The following PRPF4 variants were observed in gnomAD, a reference collection of about 807,000 sequenced individuals.
The protein encoded by PRPF4 is pre-mRNA splicing tri-snRNP complex factor PRPF4, also known as U4/U6 small nuclear ribonucleoprotein Prp4.
Under a neutral mutation model 72.2 loss-of-function variants are expected in PRPF4, and 14 were observed. The ratio of observed to expected loss-of-function variants is 0.19; its 90% CI spans 0.13 to 0.30. The LOEUF is 0.30. Ranked by LOEUF, PRPF4 falls within the 10% of genes least tolerant of loss-of-function variation. The pLI is 1.00. For missense variants in PRPF4, 478 were observed against 653.9 expected (o/e 0.73, Z 2.93); for synonymous variants, 225 against 232.2 (o/e 0.97, Z 0.28).
chr9:113,279,264 T>A (rs1268177871), intron 3 of PRPF4, 133 bp downstream of exon 3: 2 of 831,028 alleles, frequency 2.4e-6, no homozygotes, highest in Admixed American at 3.0e-5. Flanking sequence ...TGTGTTTATA[T>A]GAGTTAGCCC....
intron 9 of PRPF4, 133 bp from the exon 10 acceptor site, chr9:113,288,041 CA>C: frequency 1.3e-6 from 1 of 740,842 alleles, no homozygotes; most frequent in East Asian, 2.9e-5. Flanking sequence ...CTTATTGGGC[CA>C]AAGTAGTTTA....
intron 2 of PRPF4, among the ~76,000 whole-genome samples, chr9:113,277,511 G>A (rs766783600): frequency 7.9e-5 from 12 of 151,790 alleles, no homozygotes; most frequent in Non-Finnish European, 1.3e-4. Flanking sequence ...TCAGCCTCCC[G>A]ATTAGCTGAG....
intron 3 of PRPF4, among the ~76,000 whole-genome samples, chr9:113,281,736 C>G (rs568459470): frequency 6.6e-6 from 1 of 152,162 alleles, no homozygotes; most frequent in South Asian, 2.1e-4. Flanking sequence ...CATTCTTGAC[C>G]CCCTTGACCT....
chr9:113,291,133 A>C, intron 13 of PRPF4, 117 bp downstream of exon 13: 1 of 1,082,664 alleles, frequency 9.2e-7, no homozygotes, highest in Non-Finnish European at 1.4e-6. Context: ...AAATTGACCT[A>C]CTGGTAAAGG....
At chr9:113,276,508 A>G (rs752610847) in intron 1 of PRPF4, 40 bp from the exon 2 acceptor site, 90 of 1,607,324 alleles carry the variant, frequency 5.6e-5, no homozygotes, top group Middle Eastern at 1.6e-4. Context: ...TAAATTGCCA[A>G]GATTAAACCT....
At chr9:113,287,858 CTATT>C (rs1303729456) in intron 9 of PRPF4, among the ~76,000 whole-genome samples, 3 of 152,194 alleles carry the variant, frequency 2.0e-5, no homozygotes, top group Admixed American at 2.0e-4. Flanking sequence ...AGCCTCATCT[CTATT>C]TAGGAGTTCC....
At position 113,276,715 on chromosome 9, in the gene PRPF4, T is replaced by C. The variant is rs748537580; in HGVS notation, c.195T>C (p.Asn65=). The C allele has an allele frequency of 1.2e-6, 2 of 1,612,342 alleles. No homozygotes were observed. Among genetic ancestry groups the C allele is most frequent in the Non-Finnish European group, 1.7e-6 (2 of 1,179,244 alleles). The change falls in exon 2 of 14, where the codon AAT becomes AAC. Residue 65 remains asparagine (N), a synonymous_variant. Coordinates refer to ENST00000374198, the MANE Select transcript of PRPF4 (RefSeq NM_001244926.2). ...LKAGIEAGNI[N]ITSGEVFEIE... ...CAGGGATCGAAGCTGGAAATATTAA[T>C]ATAACCTCTGGTAAGATGCAAATTG...
At chr9:113,286,347 C>A in intron 8 of PRPF4, 57 bp downstream of exon 8, 1 of 1,464,436 alleles carries the variant, frequency 6.8e-7, no homozygotes, top group Non-Finnish European at 9.6e-7. Context: ...CTCAGTTAAG[C>A]CTTAAACTCT....
chr9:113,287,992 A>C (rs1408011972), intron 9 of PRPF4, among the ~76,000 whole-genome samples, 183 bp from the exon 10 acceptor site: 1 of 152,212 alleles, frequency 6.6e-6, no homozygotes, highest in Non-Finnish European at 1.5e-5. Context: ...TTTTCTTTCT[A>C]GAATCCAGGT....
intron 3 of PRPF4, 23 bp downstream of exon 3, chr9:113,279,154 T>C (rs779425181): frequency 6.3e-7 from 1 of 1,585,864 alleles, no homozygotes; most frequent in South Asian, 1.2e-5. Flanking sequence ...AATATTTACT[T>C]TTTTTCTTTA....
intron 7 of PRPF4, among the ~76,000 whole-genome samples, chr9:113,284,995 A>G (rs1832392618): frequency 6.6e-6 from 1 of 152,120 alleles, no homozygotes; most frequent in Non-Finnish European, 1.5e-5. Context: ...GATTGAATAC[A>G]CAGGAGCTAC....
intron 10 of PRPF4, among the ~76,000 whole-genome samples, chr9:113,290,163 T>C (rs1832566451): frequency 6.6e-6 from 1 of 151,496 alleles, no homozygotes; most frequent in South Asian, 2.1e-4. Flanking sequence ...GAGGTTGCAG[T>C]GAGCCAAGAT....
rs574604249 is a variant in PRPF4, at chr9:113,275,723, C to T, written c.-21C>T. On this transcript the variant is annotated 5_prime_UTR_variant, in exon 1 of 14. Coordinates refer to ENST00000374198, the MANE Select transcript of PRPF4 (RefSeq NM_001244926.2). ...GGGAGTGTTCGGGTTTCGCTGGGGCCTCGCGGCTCCAGAGCCCAGCATGGC... is the reference window on the plus strand; with the variant it reads ...GGGAGTGTTCGGGTTTCGCTGGGGCTTCGCGGCTCCAGAGCCCAGCATGGC... The T allele has an allele frequency of 8.1e-6, 13 of 1,608,702 alleles. No homozygotes were observed. In the Admixed American group the frequency reaches 1.3e-4, roughly 17 times the overall value.
At chr9:113,286,524 G>T (rs929763289) in intron 8 of PRPF4, among the ~76,000 whole-genome samples, 181 bp from the exon 9 acceptor site, 1 of 152,048 alleles carries the variant, frequency 6.6e-6, no homozygotes, top group East Asian at 1.9e-4. Context: ...ACCAAAATGG[G>T]TTTTTTTGTG....
In PRPF4 at chr9:113,290,496, G is replaced by A; in HGVS notation, c.1053G>A (p.Leu351=). The part of the protein sequence containing the change: ...CYDRSWRLWD[L]EAQEEILHQE... Reference sequence around the variant, plus strand: ...ACCGTTCATGGCGCTTATGGGATTTGGAGGCTCAAGAGGAGATCCTGCATC... The same window carrying A: ...ACCGTTCATGGCGCTTATGGGATTTAGAGGCTCAAGAGGAGATCCTGCATC... The change falls in exon 11 of 14, where the codon TTG becomes TTA. Residue 351 remains leucine (L), a synonymous_variant. Coordinates refer to ENST00000374198, the MANE Select transcript of PRPF4 (RefSeq NM_001244926.2). 2.5e-6 allele frequency: 4 copies of A among 1,614,166 alleles called. No homozygotes were observed. Among genetic ancestry groups the A allele is most frequent in the Non-Finnish European group, 3.4e-6 (4 of 1,180,024 alleles).
At chr9:113,286,624 A>G in intron 8 of PRPF4, 81 bp from the exon 9 acceptor site, 1 of 1,519,348 alleles carries the variant, frequency 6.6e-7, no homozygotes, top group Non-Finnish European at 9.1e-7. Flanking sequence ...AATACTCTGT[A>G]TGTCCACATG....
chr9:113,282,538 C>T (rs1832312401), intron 3 of PRPF4, 108 bp from the exon 4 acceptor site: 2 of 823,862 alleles, frequency 2.4e-6, no homozygotes, highest in Non-Finnish European at 3.7e-6. Context: ...TTGCTCCCAT[C>T]TTAGGGGAAC....
intron 9 of PRPF4, among the ~76,000 whole-genome samples, chr9:113,287,354 G>A (rs574960426): frequency 6.6e-6 from 1 of 152,256 alleles, no homozygotes; most frequent in Admixed American, 6.5e-5. Context: ...CAGCCACAGG[G>A]GAGAGGAAAG....
intron 9 of PRPF4, among the ~76,000 whole-genome samples, 187 bp from the exon 10 acceptor site, chr9:113,287,988 T>C (rs1253394974): frequency 6.6e-6 from 1 of 152,250 alleles, no homozygotes; most frequent in East Asian, 1.9e-4. Flanking sequence ...CATGTTTTCT[T>C]TCTAGAATCC....
Sources: gnomAD v4.1 joint callset for allele counts (sites outside exome capture counted in the v4.1 genomes callset) on GRCh38, gnomAD v4.1.1 for gene constraint, MANE v1.5 for transcripts, NCBI Gene and HGNC (gene_info 2026-07-23, HGNC 2026-07-21) for gene names.